LAMB3: variants seen among roughly 807,000 people sequenced by gnomAD.
LAMB3 encodes the protein laminin subunit beta-3.
Under a neutral mutation model 140.3 loss-of-function variants are expected in LAMB3, and 104 were observed. That is an observed-to-expected ratio of 0.74 (90% CI 0.63 to 0.87). The LOEUF (loss-of-function observed/expected upper bound fraction) is 0.87. LAMB3 is among the 40% of genes least tolerant of loss of function. The pLI, the probability that LAMB3 is intolerant of heterozygous loss-of-function variation, is 0.00. For synonymous variants in LAMB3, 592 were observed against 602.9 expected, an observed-to-expected ratio of 0.98 and a Z score of 0.26; for missense variants, 1,531 against 1,575.2, an observed-to-expected ratio of 0.97 and a Z score of 0.47.
At position 209,615,144 on chromosome 1, in the gene LAMB3, G is replaced by T; in HGVS notation, c.*127C>A. 8.5e-7 allele frequency: 1 copy of T among 1,176,160 alleles called. No homozygotes were observed. Among genetic ancestry groups the T allele is most frequent in the East Asian group, 2.4e-5 (1 of 41,988 alleles). 72.9% of individuals were successfully genotyped at this position (1,176,160 alleles called of 1,614,324 possible). ...GTAATCTTACTAGCTACACACCAGG[G>T]GTGGTCCAGGCTGTACTTTAGGCTG... On this transcript the variant is annotated 3_prime_UTR_variant, in exon 23 of 23. Coordinates refer to ENST00000356082, the MANE Select transcript of LAMB3 (RefSeq NM_000228.3).
chr1:209,622,564 T>C lies in LAMB3; in HGVS notation c.2673A>G (p.Leu891=), dbSNP rs3179860. Residue 891 remains leucine (L), a synonymous_variant, in exon 18 of 23, where the codon CTA becomes CTG. Coordinates refer to ENST00000356082, the MANE Select transcript of LAMB3 (RefSeq NM_000228.3). ...MEEDVRRTRL[L]IQQVRDFLTD... is the part of the protein sequence containing the mutation. ...TTAGGAAGTCCCGGACCTGCTGGATTAGGAGCCGTGTGCGTCTGACATCTT... is the reference window on the plus strand; with the variant it reads ...TTAGGAAGTCCCGGACCTGCTGGATCAGGAGCCGTGTGCGTCTGACATCTT... 0.14 allele frequency: 231,377 copies of C among 1,613,810 alleles called. 17,970 individuals carry two copies. The highest frequency in any genetic ancestry group is 0.2 in the South Asian group (18,137 of 91,062).
In LAMB3 at chr1:209,623,860, A is replaced by AT. The variant is rs756743929; in HGVS notation, c.2116dup (p.Ile706AsnfsTer5). 1 of 1,614,092 alleles carries AT rather than the reference A, an allele frequency of 6.2e-7. No homozygotes were observed. ...CTCACCTGAAGGATCAGCACTGCTT[A>AT]TTTTTTCAAACTGCTCCCTCTTCCT... is the stretch of plus-strand genomic sequence containing the variant. On this transcript the variant is annotated frameshift_variant, in exon 15 of 23. Transcript: ENST00000356082. LOFTEE classifies it high-confidence loss of function. The surrounding 1 kb of genome is among the most constrained non-coding windows in gnomAD (Gnocchi z 4.2).
At chr1:209,616,374 G>A (rs1468665805) in intron 22 of LAMB3, 97 bp downstream of exon 22, 3 of 1,394,666 alleles carry the variant, frequency 2.2e-6, no homozygotes, top group Non-Finnish European at 3.1e-6. Context: ...CCATAGCACG[G>A]CTAGCTCCAA....
rs768237192 is a variant in LAMB3, at chr1:209,623,744, G to A, written c.2138-19C>T. 99 of 1,613,754 alleles carry A rather than the reference G, an allele frequency of 6.1e-5. No homozygotes were observed. In the South Asian group the frequency reaches 8.9e-4, roughly 14 times the overall value. On this transcript the variant is annotated intron_variant, in intron 15 of 22. Coordinates refer to ENST00000356082, the MANE Select transcript of LAMB3 (RefSeq NM_000228.3). The surrounding 1 kb of genome is among the most constrained non-coding windows in gnomAD (Gnocchi z 4.2). The stretch of plus-strand genomic sequence containing the variant: ...AAGGCTCCTGTGGCGAGAAGCATGA[G>A]GAATGGAGATGGAGGAGGAGCAGGA...
intron 5 of LAMB3, among the ~76,000 whole-genome samples, 159 bp from the exon 6 acceptor site, chr1:209,634,797 A>G (rs1226687244): frequency 6.6e-6 from 1 of 152,120 alleles, no homozygotes; most frequent in Non-Finnish European, 1.5e-5. Flanking sequence ...CTGGCATACC[A>G]CAGGCCACAG....
chr1:209,634,734 G>A, intron 5 of LAMB3, 96 bp from the exon 6 acceptor site: 1 of 1,044,360 alleles, frequency 9.6e-7, no homozygotes, highest in Non-Finnish European at 1.4e-6. Flanking sequence ...GAACTCGGGA[G>A]AAAGGGGGCC....
chr1:209,618,637 A>T lies in LAMB3; in HGVS notation c.2724T>A (p.Thr908=), dbSNP rs1244404905. The T allele has an allele frequency of 6.2e-7, 1 of 1,611,324 alleles. No homozygotes were observed. Among genetic ancestry groups the T allele is most frequent in the Admixed American group, 1.7e-5 (1 of 59,644 alleles). Residue 908 remains threonine (T), a synonymous_variant, in exon 19 of 23, where the codon ACT becomes ACA. Coordinates refer to ENST00000356082, the MANE Select transcript of LAMB3 (RefSeq NM_000228.3). Reference sequence around the variant, plus strand: ...GCACGGCCTCGCTGACCTCCTGGATAGTGGCTGCATCAGTGTCGGGGTCTG... The same window carrying T: ...GCACGGCCTCGCTGACCTCCTGGATTGTGGCTGCATCAGTGTCGGGGTCTG... ...FLTDPDTDAA[T]IQEVSEAVLA... is the part of the protein sequence containing the mutation.
intron 10 of LAMB3, among the ~76,000 whole-genome samples, chr1:209,629,389 G>A (rs963827846): frequency 3.9e-5 from 6 of 152,092 alleles, no homozygotes; most frequent in African/African-American, 9.7e-5. Flanking sequence ...ATATACATAC[G>A]GAAAAGGTGC....
intron 18 of LAMB3, among the ~76,000 whole-genome samples, chr1:209,618,950 G>A (rs1374286468): frequency 1.3e-5 from 2 of 152,196 alleles, no homozygotes; most frequent in Non-Finnish European, 2.9e-5. Context: ...GCTGCGGGCT[G>A]GGGAGAAGGA....
chr1:209,648,882 A>T (rs796498921), intron 3 of LAMB3, among the ~76,000 whole-genome samples: 108 of 152,234 alleles, frequency 7.1e-4, no homozygotes, highest in African/African-American at 2.4e-3. Flanking sequence ...TTATTTTTTT[A>T]AAAATTCAAT....
At chr1:209,624,198 G>C (rs539016398) in intron 14 of LAMB3, among the ~76,000 whole-genome samples, 198 bp from the exon 15 acceptor site, 39 of 152,262 alleles carry the variant, frequency 2.6e-4, no homozygotes, top group Admixed American at 1.5e-3. Context: ...CTCTGTCCAG[G>C]TGCAGATGGA....
intron 14 of LAMB3, among the ~76,000 whole-genome samples, chr1:209,624,880 G>GAAGAAGGA (rs1666359946): frequency 9.9e-6 from 1 of 100,754 alleles, no homozygotes; most frequent in Admixed American, 1.1e-4. Context: ...GAAAGAGAGA[G>GAAGAAGGA]AGGAAGGAAG....
intron 18 of LAMB3, among the ~76,000 whole-genome samples, chr1:209,621,838 G>A (rs888316890): frequency 6.6e-6 from 1 of 152,162 alleles, no homozygotes; most frequent in African/African-American, 2.4e-5. Context: ...ATGTCTTTCT[G>A]TGTCTGGCCT....
chr1:209,618,083 G>A, intron 19 of LAMB3, 35 bp from the exon 20 acceptor site: 1 of 1,613,328 alleles, frequency 6.2e-7, no homozygotes, highest in Non-Finnish European at 8.5e-7. Context: ...AGGAGAGAGA[G>A]AATGAGTGAA....
Position 209,623,391 on chromosome 1 carries a change from G to C in LAMB3, c.2358+114C>G. 1 of 1,142,338 alleles carries C rather than the reference G, an allele frequency of 8.8e-7. No homozygotes were observed. Among genetic ancestry groups the C allele is most frequent in the South Asian group, 1.3e-5 (1 of 78,792 alleles). The allele number at this position is 1,142,338 out of a possible 1,614,324, so 70.8% of individuals were successfully genotyped here. On this transcript the variant is annotated intron_variant, in intron 16 of 22. Transcript: ENST00000356082. The surrounding 1 kb of genome is among the most constrained non-coding windows in gnomAD (Gnocchi z 4.2). ...AGTACAAGGGTCGGGATGGCTGGGG[G>C]AGTGGGGTTCTCACAGGGGCAGATC...
At chr1:209,638,722 A>C in intron 3 of LAMB3, 74 bp from the exon 4 acceptor site, 1 of 847,188 alleles carries the variant, frequency 1.2e-6, no homozygotes, top group Non-Finnish European at 2.0e-6. Flanking sequence ...CTGAGATCCC[A>C]GCATATCTCC....
Position 209,616,595 on chromosome 1 carries a change from A to G in LAMB3, c.3258T>C (p.Ala1086=), listed in dbSNP as rs748296127. The change falls in exon 22 of 23, where the codon GCT becomes GCC. Residue 1086 remains alanine, a synonymous_variant. Coordinates refer to ENST00000356082, the MANE Select transcript of LAMB3 (RefSeq NM_000228.3). The stretch of plus-strand genomic sequence containing the variant: ...TCTGACCCAACCGGTCCTTCAACTC[A>G]GCATACTTTTGTTTTATTCTCTCAA... ...EGFERIKQKY[A]ELKDRLGQSS... is the part of the protein sequence containing the mutation. 1.9e-6 allele frequency: 3 copies of G among 1,614,134 alleles called. No homozygotes were observed. The highest frequency in any genetic ancestry group is 2.2e-5 in the South Asian group (2 of 91,090).
Position 209,617,938 on chromosome 1 carries a change from G to A in LAMB3, c.3020C>T (p.Ser1007Phe), listed in dbSNP as rs777584225. Residue 1007 changes from serine (S) to phenylalanine (F), a missense_variant, in exon 20 of 23, where the codon TCC becomes TTC. Transcript: ENST00000356082. ...AQDTMQGTSRSLRLIQDRVAE... is the reference protein window; with the variant it reads ...AQDTMQGTSRFLRLIQDRVAE... ...AACCCTGTCCTGGATAAGCCGAAGGGAGCGGCTGGTGCCTTGCATGGTGTC... is the reference window on the plus strand; with the variant it reads ...AACCCTGTCCTGGATAAGCCGAAGGAAGCGGCTGGTGCCTTGCATGGTGTC... 1 of 1,614,178 alleles carries A rather than the reference G, an allele frequency of 6.2e-7. No homozygotes were observed. Among genetic ancestry groups the A allele is most frequent in the South Asian group, 1.1e-5 (1 of 91,082 alleles).
In LAMB3 at chr1:209,615,172, T is replaced by C; in HGVS notation, c.*99A>G. 2.0e-6 allele frequency: 3 copies of C among 1,526,252 alleles called. No individual in the cohort carries two copies. Among genetic ancestry groups the C allele is most frequent in the Non-Finnish European group, 1.8e-6 (2 of 1,108,978 alleles). The allele number at this position is 1,526,252 out of a possible 1,614,324, so 94.5% of individuals were successfully genotyped here. Reference sequence around the variant, plus strand: ...GGTCCAGGCTGTACTTTAGGCTGCATGAAAGTCTCCTGGAGATGGAAAGCA... The same window carrying C: ...GGTCCAGGCTGTACTTTAGGCTGCACGAAAGTCTCCTGGAGATGGAAAGCA... On this transcript the variant is annotated 3_prime_UTR_variant, in exon 23 of 23. Coordinates refer to ENST00000356082, the MANE Select transcript of LAMB3 (RefSeq NM_000228.3).
Sources: gnomAD v4.1 joint callset for allele counts (sites outside exome capture counted in the v4.1 genomes callset) on GRCh38, gnomAD v4.1.1 for gene constraint, Gnocchi (gnomAD v3.1) non-coding constraint, MANE v1.5 for transcripts, NCBI Gene and HGNC (gene_info 2026-07-23, HGNC 2026-07-21) for gene names.